GALNTL6: variants seen among roughly 807,000 people sequenced by gnomAD.
GALNTL6 encodes polypeptide N-acetylgalactosaminyltransferase-like 6.
Under a neutral mutation model 73.7 loss-of-function variants are expected in GALNTL6, and 46 were observed. The ratio of observed to expected loss-of-function variants is 0.62; its 90% CI spans 0.49 to 0.80. The LOEUF is 0.80. Among genes scored for constraint, GALNTL6 ranks in the 30% least tolerant of loss-of-function variants. GALNTL6 has a pLI of 0.00. For missense variants in GALNTL6, 604 were observed against 755.0 expected (o/e 0.80, Z 2.34); for synonymous variants, 259 against 263.7 (o/e 0.98, Z 0.17).
chr4:172,486,702 A>G (rs1484100063), intron 5 of GALNTL6, among the ~76,000 whole-genome samples: 1 of 152,180 alleles, frequency 6.6e-6, no homozygotes, highest in Non-Finnish European at 1.5e-5. Flanking sequence ...AATTCTACGC[A>G]TATTTCCTCT....
At chr4:172,495,588 A>ATATAC (rs1213749365) in intron 5 of GALNTL6, among the ~76,000 whole-genome samples, 2 of 152,126 alleles carry the variant, frequency 1.3e-5, no homozygotes, top group African/African-American at 4.8e-5. Context: ...CCAGCACTCT[A>ATATAC]TATACTATAC....
intron 5 of GALNTL6, among the ~76,000 whole-genome samples, chr4:172,399,381 T>C (rs1294714145): frequency 6.6e-6 from 1 of 152,060 alleles, no homozygotes; most frequent in Non-Finnish European, 1.5e-5. Context: ...AGAAAATAAC[T>C]ATATGCAGAG....
At chr4:172,094,456 C>A (rs1397282212) in intron 2 of GALNTL6, among the ~76,000 whole-genome samples, 2 of 151,914 alleles carry the variant, frequency 1.3e-5, no homozygotes, top group African/African-American at 4.8e-5. Flanking sequence ...GGGGAAAAAA[C>A]TTATCTTATT....
intron 2 of GALNTL6, among the ~76,000 whole-genome samples, chr4:171,834,988 A>G (rs951024589): frequency 1.3e-5 from 2 of 152,010 alleles, no homozygotes; most frequent in Non-Finnish European, 2.9e-5. Context: ...AGTGAGAGGC[A>G]TCAGAACTAA....
rs368005914 is a variant in GALNTL6 at position 171,815,934 on chromosome 4, C to T, written c.138+1216C>T. On this transcript the variant is annotated intron_variant, in intron 2 of 12. Transcript: ENST00000506823. ...ATGGATTTTTAGTGGATTGTTATTT[C>T]GAGGAAAAATGTTGACATATTTTCA... 10 of 152,014 alleles carry T rather than the reference C, an allele frequency of 6.6e-5. No individual in the cohort carries two copies. In the East Asian group the frequency reaches 1.4e-3, roughly 21 times the overall value. The allele number at this position is 152,014 out of a possible 1,614,324, so 9.4% of individuals were successfully genotyped here.
At chr4:171,889,513 G>A (rs1293735060) in intron 2 of GALNTL6, among the ~76,000 whole-genome samples, 2 of 152,044 alleles carry the variant, frequency 1.3e-5, no homozygotes, top group East Asian at 3.9e-4. Context: ...TCTAGGCTGA[G>A]TCTATAAGAA....
chr4:172,377,683 A>G (rs1193751426), intron 5 of GALNTL6, among the ~76,000 whole-genome samples: 2 of 152,120 alleles, frequency 1.3e-5, no homozygotes, highest in Admixed American at 1.3e-4. Flanking sequence ...CCTGCCCCAC[A>G]GGGAGGCAGC....
chr4:172,826,674 C>CT (rs1423778162), intron 7 of GALNTL6, among the ~76,000 whole-genome samples: 1 of 152,236 alleles, frequency 6.6e-6, no homozygotes, highest in East Asian at 1.9e-4. Context: ...AGCCTCCAGA[C>CT]TACCCATCCC....
intron 5 of GALNTL6, among the ~76,000 whole-genome samples, chr4:172,403,400 A>G (rs1301491181): frequency 6.6e-6 from 1 of 152,092 alleles, no homozygotes; most frequent in Non-Finnish European, 1.5e-5. Flanking sequence ...TTGGCCGTAC[A>G]TGCCATGAAG....
chr4:172,304,853 A>C (rs1002620292), intron 3 of GALNTL6, among the ~76,000 whole-genome samples: 23 of 152,148 alleles, frequency 1.5e-4, no homozygotes, highest in African/African-American at 5.1e-4. Flanking sequence ...TAACACAAAA[A>C]CTATTTTAAT....
At chr4:172,708,953 C>A (rs1734528286) in intron 5 of GALNTL6, among the ~76,000 whole-genome samples, 1 of 152,078 alleles carries the variant, frequency 6.6e-6, no homozygotes. Flanking sequence ...GGCATTTTAT[C>A]TTTTTCTGGA....
intron 2 of GALNTL6, among the ~76,000 whole-genome samples, chr4:171,843,983 C>A (rs1449774439): frequency 6.6e-6 from 1 of 152,152 alleles, no homozygotes; most frequent in East Asian, 1.9e-4. Context: ...TTGAAGATTA[C>A]TAACTTCAAA....
intron 2 of GALNTL6, among the ~76,000 whole-genome samples, chr4:171,937,759 C>T (rs1024568442): frequency 7.2e-5 from 11 of 151,984 alleles, no homozygotes; most frequent in Admixed American, 5.2e-4. Context: ...TGAAAAGTAG[C>T]GAAGTAAATG....
chr4:172,034,366 G>A (rs1741864088), intron 2 of GALNTL6, among the ~76,000 whole-genome samples: 1 of 148,224 alleles, frequency 6.7e-6, no homozygotes, highest in Admixed American at 6.8e-5. Context: ...AACAGATCTG[G>A]GTATCTATTC....
intron 5 of GALNTL6, among the ~76,000 whole-genome samples, chr4:172,743,542 T>C (rs1736918609): frequency 6.6e-6 from 1 of 152,036 alleles, no homozygotes; most frequent in Non-Finnish European, 1.5e-5. Flanking sequence ...CTTTGAATTC[T>C]GGGGACTTTA....
chr4:171,841,865 T>C (rs186157023), intron 2 of GALNTL6, among the ~76,000 whole-genome samples: 10 of 152,166 alleles, frequency 6.6e-5, no homozygotes, highest in Admixed American at 3.9e-4. Flanking sequence ...AAAACTGAGA[T>C]TTGGCATTAC....
chr4:172,876,298 T>A (rs146440063), intron 7 of GALNTL6, among the ~76,000 whole-genome samples: 274 of 152,354 alleles, frequency 1.8e-3, no homozygotes, highest in African/African-American at 6.0e-3. Context: ...CCATGATTTA[T>A]AATTTTGTTT....
At chr4:172,421,734 G>A (rs1177331576) in intron 5 of GALNTL6, among the ~76,000 whole-genome samples, 1 of 152,022 alleles carries the variant, frequency 6.6e-6, no homozygotes, top group Non-Finnish European at 1.5e-5. Context: ...ATAAAATTCT[G>A]TTGAAATAAT....
At position 172,807,581 on chromosome 4, in the gene GALNTL6, A is replaced by G. The variant is rs1741037564; in HGVS notation, c.554-1780A>G. Among the ~76,000 whole-genome samples, 2 of 152,118 alleles carry G rather than the reference A, an allele frequency of 1.3e-5. 1 individual carries two copies. Among genetic ancestry groups the G allele is most frequent in the South Asian group, 4.1e-4 (2 of 4,824 alleles). ...CTAGAAGGGAAAAACAATCCCCTAA[A>G]TCCTTTATGTTTTATAGGTGAGGCT... On this transcript the variant is annotated intron_variant, in intron 5 of 12. Coordinates refer to ENST00000506823, the MANE Select transcript of GALNTL6 (RefSeq NM_001034845.3).
Sources: allele counts gnomAD v4.1 joint callset (sites outside exome capture counted in the v4.1 genomes callset), GRCh38; gene constraint gnomAD v4.1.1; transcripts MANE v1.5; gene names NCBI Gene and HGNC (gene_info 2026-07-23, HGNC 2026-07-21).